Variants in CLSTN2 observed in about 807,000 individuals in gnomAD.
CLSTN2 encodes the protein calsyntenin 2, also known as calsyntenin-2.
CLSTN2 carries 48 observed loss-of-function variants against 101.2 expected under a neutral mutation model. That is an observed-to-expected ratio of 0.47 (90% CI 0.38 to 0.60). The LOEUF is 0.60. CLSTN2 is among the 20% of genes least tolerant of loss of function. The pLI, the probability that CLSTN2 is intolerant of heterozygous loss-of-function variation, is 0.00. For missense variants in CLSTN2, 1,160 were observed against 1,238.2 expected (o/e 0.94, Z 0.95); for synonymous variants, 481 against 463.6 (o/e 1.04, Z -0.48).
intron 2 of CLSTN2, among the ~76,000 whole-genome samples, chr3:140,371,561 C>T (rs1027799437): frequency 1.3e-5 from 2 of 152,168 alleles, no homozygotes; most frequent in East Asian, 3.9e-4. Flanking sequence ...TGTGCCTGGG[C>T]ATGTTGGGTC....
At chr3:140,424,508 C>G (rs1336886499) in intron 5 of CLSTN2, among the ~76,000 whole-genome samples, 1 of 152,224 alleles carries the variant, frequency 6.6e-6, no homozygotes, top group Admixed American at 6.5e-5. Context: ...GCTGCAGCCT[C>G]TTAACTGGAA....
chr3:140,473,836 T>C (rs505853), intron 8 of CLSTN2, among the ~76,000 whole-genome samples: 72,620 of 151,818 alleles, frequency 0.48, 18,570 homozygotes, highest in African/African-American at 0.66. Context: ...TGGCTCACTG[T>C]AAGCTCCGCC....
rs755655381 is a variant in CLSTN2, at chr3:140,563,241, T to C, written c.2482+38T>C. 6.9e-6 allele frequency: 11 copies of C among 1,605,008 alleles called. No homozygotes were observed. In the South Asian group the frequency reaches 1.2e-4, roughly 18 times the overall value. On this transcript the variant is annotated intron_variant, in intron 15 of 16. Transcript: ENST00000458420. ...AGAGGAGGGACCCTCAGGACACAGG[T>C]CGTCATTGTGACTCAAGATTATCTA...
chr3:140,102,785 G>A (rs1447878689), intron 1 of CLSTN2, among the ~76,000 whole-genome samples: 1 of 152,162 alleles, frequency 6.6e-6, no homozygotes, highest in Non-Finnish European at 1.5e-5. Flanking sequence ...ACACAGAATA[G>A]TTACATGATG....
intron 2 of CLSTN2, among the ~76,000 whole-genome samples, chr3:140,230,859 G>A (rs1202710953): frequency 6.6e-6 from 1 of 152,088 alleles, no homozygotes; most frequent in African/African-American, 2.4e-5. Flanking sequence ...CACTCCCAAA[G>A]CACTCCTTCA....
chr3:140,168,247 T>C (rs1307025854), intron 1 of CLSTN2, among the ~76,000 whole-genome samples: 5 of 152,206 alleles, frequency 3.3e-5, no homozygotes, highest in African/African-American at 1.2e-4. Context: ...TATCCCATTG[T>C]GGCTTCAATT....
At chr3:139,965,559 G>T (rs1425494203) in intron 1 of CLSTN2, among the ~76,000 whole-genome samples, 1 of 152,184 alleles carries the variant, frequency 6.6e-6, no homozygotes, top group East Asian at 1.9e-4. Flanking sequence ...ATCCAGATTC[G>T]AGAAAGAGTG....
chr3:140,334,030 G>A (rs1024998461), intron 2 of CLSTN2, among the ~76,000 whole-genome samples: 3 of 152,116 alleles, frequency 2.0e-5, no homozygotes, highest in African/African-American at 2.4e-5. Flanking sequence ...AGAAGAAGGC[G>A]GGGGGTAGAA....
chr3:140,237,662 T>G (rs1455534256), intron 2 of CLSTN2, among the ~76,000 whole-genome samples: 2 of 152,188 alleles, frequency 1.3e-5, no homozygotes. Flanking sequence ...ACATAACATT[T>G]ACCTTATTTA....
Position 139,959,362 on chromosome 3 carries a change from G to T in CLSTN2, c.109+23879G>T, listed in dbSNP as rs143534578. Among the ~76,000 whole-genome samples the T allele has an allele frequency of 4.7e-4, 71 of 152,230 alleles. 2 individuals carry two copies. The highest frequency in any genetic ancestry group is 2.7e-3 in the Admixed American group (42 of 15,290). Reference sequence around the variant, plus strand: ...TCATGTTACATTTCCTCTCTTTGAGGTACATAGTGTCGTTAGTTTCTTCTT... The same window carrying T: ...TCATGTTACATTTCCTCTCTTTGAGTTACATAGTGTCGTTAGTTTCTTCTT... On this transcript the variant is annotated intron_variant, in intron 1 of 16. Coordinates refer to ENST00000458420, the MANE Select transcript of CLSTN2 (RefSeq NM_022131.3).
intron 1 of CLSTN2, among the ~76,000 whole-genome samples, chr3:140,026,454 T>G (rs1319010272): frequency 2.6e-5 from 4 of 152,174 alleles, no homozygotes; most frequent in Non-Finnish European, 4.4e-5. Context: ...AAAAACTAAA[T>G]GGACAAAAAA....
At position 139,982,890 on chromosome 3, in the gene CLSTN2, A is replaced by G. The variant is rs117429042; in HGVS notation, c.109+47407A>G. On this transcript the variant is annotated intron_variant, in intron 1 of 16. Coordinates refer to ENST00000458420, the MANE Select transcript of CLSTN2 (RefSeq NM_022131.3). The stretch of plus-strand genomic sequence containing the variant: ...CTATATATAGAGAGAGACCATATGT[A>G]TATTATAGATTACAAAGGGTATTAC... Among the ~76,000 whole-genome samples the G allele has an allele frequency of 8.4e-4, 127 of 151,950 alleles. 3 individuals are homozygous for G. The East Asian group carries it at 0.023, about 28-fold the overall frequency.
At chr3:140,082,432 G>T (rs558610478) in intron 1 of CLSTN2, among the ~76,000 whole-genome samples, 1 of 152,256 alleles carries the variant, frequency 6.6e-6, no homozygotes, top group African/African-American at 2.4e-5. Context: ...CAGGGGACAG[G>T]CCAACAAGGT....
At chr3:140,100,746 C>CA (rs1430229420) in intron 1 of CLSTN2, among the ~76,000 whole-genome samples, 3 of 152,224 alleles carry the variant, frequency 2.0e-5, no homozygotes, top group Non-Finnish European at 4.4e-5. Flanking sequence ...CTGTGAGGCT[C>CA]ACGTTCTAAC....
chr3:140,046,407 C>T (rs947745326), intron 1 of CLSTN2, among the ~76,000 whole-genome samples: 1 of 152,124 alleles, frequency 6.6e-6, no homozygotes, highest in Admixed American at 6.5e-5. Context: ...CTGTGTGTGT[C>T]TCTGCACGTG....
chr3:140,293,748 T>A (rs1008298915), intron 2 of CLSTN2, among the ~76,000 whole-genome samples: 1 of 152,096 alleles, frequency 6.6e-6, no homozygotes, highest in Non-Finnish European at 1.5e-5. Context: ...CCCTGACAAT[T>A]TGATTCTGGG....
chr3:140,109,393 A>G (rs2009115611), intron 1 of CLSTN2, among the ~76,000 whole-genome samples: 3 of 152,100 alleles, frequency 2.0e-5, no homozygotes, highest in African/African-American at 7.2e-5. Context: ...CAACCGAACC[A>G]TGCCCTTAGA....
At chr3:140,065,135 C>T (rs1305751351) in intron 1 of CLSTN2, among the ~76,000 whole-genome samples, 1 of 152,190 alleles carries the variant, frequency 6.6e-6, no homozygotes, top group African/African-American at 2.4e-5. Flanking sequence ...TCAAAACAGA[C>T]TTAGTATTTT....
intron 5 of CLSTN2, among the ~76,000 whole-genome samples, chr3:140,438,169 T>C (rs952861052): frequency 6.6e-6 from 1 of 152,166 alleles, no homozygotes; most frequent in African/African-American, 2.4e-5. Flanking sequence ...GGCCAAAGTC[T>C]ATGGTCATTT....
Sources: allele counts gnomAD v4.1 joint callset (sites outside exome capture counted in the v4.1 genomes callset), GRCh38; gene constraint gnomAD v4.1.1; transcripts MANE v1.5; gene names NCBI Gene and HGNC (gene_info 2026-07-23, HGNC 2026-07-21).